The following PDE1A variants were observed in gnomAD, a reference collection of about 807,000 sequenced individuals.
PDE1A encodes phosphodiesterase 1A, also known as dual specificity calcium/calmodulin-dependent 3',5'-cyclic nucleotide phosphodiesterase 1A.
Under a neutral mutation model 61.7 loss-of-function variants are expected in PDE1A, and 35 were observed. That is an observed-to-expected ratio of 0.57 (90% CI 0.43 to 0.75). The LOEUF is 0.75. Ranked by LOEUF, PDE1A falls within the 30% of genes least tolerant of loss-of-function variation. PDE1A has a pLI of 0.00. For missense variants in PDE1A, 597 were observed against 630.6 expected, an observed-to-expected ratio of 0.95 and a Z score of 0.57; for synonymous variants, 232 against 213.2, an observed-to-expected ratio of 1.09 and a Z score of -0.77.
At chr2:182,436,262 TC>T in intron 2 of PDE1A, among the ~76,000 whole-genome samples, 1 of 152,180 alleles carries the variant, frequency 6.6e-6, no homozygotes, top group South Asian at 2.1e-4. Flanking sequence ...TAATAATCTA[TC>T]CTTGGCAATC....
the PDE1A span, among the ~76,000 whole-genome samples, chr2:182,602,992 C>CACACACACACATACAT: frequency 9.4e-4 from 123 of 130,490 alleles, no homozygotes; most frequent in African/African-American, 2.8e-3. Flanking sequence ...CACACACACA[C>CACACACACACATACAT]ACATACATAC....
chr2:182,635,549 T>C, the PDE1A span, among the ~76,000 whole-genome samples: 1 of 152,214 alleles, frequency 6.6e-6, no homozygotes, highest in Non-Finnish European at 1.5e-5. Context: ...GTACATCTTA[T>C]GGACTTGAAC....
intron 1 of PDE1A, among the ~76,000 whole-genome samples, chr2:182,375,621 T>G (rs2125274655): frequency 6.6e-6 from 1 of 152,286 alleles, no homozygotes; most frequent in South Asian, 2.1e-4. Context: ...AAGTGCAAGC[T>G]GTAGGTGCAT....
intron 13 of PDE1A, among the ~76,000 whole-genome samples, chr2:182,154,532 G>A (rs2125281060): frequency 6.6e-6 from 1 of 152,200 alleles, no homozygotes; most frequent in South Asian, 2.1e-4. Flanking sequence ...AATCATGGGG[G>A]CAGTTTCCCC....
At chr2:182,602,289 A>C in the PDE1A span, among the ~76,000 whole-genome samples, 34 of 152,322 alleles carry the variant, frequency 2.2e-4, 1 homozygote, top group African/African-American at 7.7e-4. Context: ...CAGGGCTCTC[A>C]CTGGCTCCAT....
At chr2:182,238,671 A>ATGTTCTTAGC (rs1690260232) in intron 3 of PDE1A, among the ~76,000 whole-genome samples, 2 of 152,222 alleles carry the variant, frequency 1.3e-5, no homozygotes, top group Non-Finnish European at 2.9e-5. Context: ...AGTGATTTAA[A>ATGTTCTTAGC]AAAGACTTTA....
the PDE1A span, among the ~76,000 whole-genome samples, chr2:182,693,234 T>A: frequency 6.6e-6 from 1 of 152,194 alleles, no homozygotes; most frequent in Non-Finnish European, 1.5e-5. Context: ...ATTACCCAAC[T>A]TCAACAAGTA....
chr2:182,302,493 A>G (rs833144), intron 1 of PDE1A, among the ~76,000 whole-genome samples: 141,709 of 152,266 alleles, frequency 0.93, 66,496 homozygotes, highest in East Asian at 0.99. Flanking sequence ...ATACTTCATT[A>G]CTAAAAAATG....
the PDE1A span, among the ~76,000 whole-genome samples, chr2:182,606,643 A>C: frequency 6.6e-6 from 1 of 152,232 alleles, no homozygotes; most frequent in Non-Finnish European, 1.5e-5. Flanking sequence ...AAATAAACGA[A>C]TAAGCTTATC....
intron 1 of PDE1A, among the ~76,000 whole-genome samples, chr2:182,297,648 G>T (rs1406792618): frequency 1.3e-5 from 2 of 152,164 alleles, no homozygotes; most frequent in Non-Finnish European, 2.9e-5. Flanking sequence ...GCCCATATCT[G>T]TTCAGCCTTT....
At chr2:182,335,897 C>A (rs1470082321) in intron 1 of PDE1A, among the ~76,000 whole-genome samples, 1 of 152,022 alleles carries the variant, frequency 6.6e-6, no homozygotes, top group Non-Finnish European at 1.5e-5. Flanking sequence ...CCAGAATCTA[C>A]AAGGAACTTA....
intron 2 of PDE1A, among the ~76,000 whole-genome samples, chr2:182,472,311 T>C (rs916783222): frequency 2.0e-5 from 3 of 151,908 alleles, no homozygotes; most frequent in Admixed American, 1.3e-4. Flanking sequence ...TCAACCTAAG[T>C]GGCCATCAAT....
At chr2:182,442,960 C>T (rs967335683) in intron 2 of PDE1A, among the ~76,000 whole-genome samples, 26 of 151,890 alleles carry the variant, frequency 1.7e-4, no homozygotes, top group Non-Finnish European at 2.8e-4. Flanking sequence ...CAAAACAAAA[C>T]AATCCGTAAT....
chr2:182,662,137 C>T, the PDE1A span, among the ~76,000 whole-genome samples: 1 of 151,234 alleles, frequency 6.6e-6, no homozygotes, highest in East Asian at 1.9e-4. Flanking sequence ...ATACTATGAC[C>T]TCAGAAGTAG....
chr2:182,434,120 G>T (rs1704091448), intron 2 of PDE1A, among the ~76,000 whole-genome samples: 1 of 152,076 alleles, frequency 6.6e-6, no homozygotes, highest in Admixed American at 6.6e-5. Flanking sequence ...CTGAGGAAAA[G>T]ATCAGAACAT....
At chr2:182,296,314 C>T (rs1694881344) in intron 1 of PDE1A, among the ~76,000 whole-genome samples, 1 of 152,104 alleles carries the variant, frequency 6.6e-6, no homozygotes, top group Admixed American at 6.5e-5. Context: ...CACTGTCATA[C>T]ATATAGGACA....
At chr2:182,548,335 C>T in the PDE1A span, among the ~76,000 whole-genome samples, 2 of 152,120 alleles carry the variant, frequency 1.3e-5, no homozygotes, top group African/African-American at 2.4e-5. Context: ...TGAGCCAAAA[C>T]AACGGCAAGC....
chr2:182,691,135 C>A, the PDE1A span, among the ~76,000 whole-genome samples: 6 of 152,176 alleles, frequency 3.9e-5, no homozygotes, highest in African/African-American at 1.4e-4. Flanking sequence ...ATGCCATCCC[C>A]ATCAAGCTAC....
chr2:182,514,765 T>G (rs893253586), intron 2 of PDE1A, among the ~76,000 whole-genome samples: 1 of 152,042 alleles, frequency 6.6e-6, no homozygotes, highest in African/African-American at 2.4e-5. Context: ...CTGGCAAAGA[T>G]TTCATGAGGA....
Sources: allele counts gnomAD v4.1 joint callset (sites outside exome capture counted in the v4.1 genomes callset), GRCh38; gene constraint gnomAD v4.1.1; transcripts MANE v1.5; gene names NCBI Gene and HGNC (gene_info 2026-07-23, HGNC 2026-07-21).